MBOAT1: variants seen among roughly 807,000 people sequenced by gnomAD.
MBOAT1 encodes membrane-bound glycerophospholipid O-acyltransferase 1.
Under a neutral mutation model 64.4 loss-of-function variants are expected in MBOAT1, and 67 were observed. The ratio of observed to expected loss-of-function variants is 1.04; its 90% confidence interval spans 0.85 to 1.27. The LOEUF is 1.27. MBOAT1 is among the 50% of genes most tolerant of loss of function. MBOAT1 has a pLI of 0.00. For synonymous variants in MBOAT1, 229 were observed against 218.9 expected (o/e 1.05, Z -0.41); for missense variants, 563 against 604.6 (o/e 0.93, Z 0.72).
chr6:20,212,061 G>A (rs1333488311), intron 1 of MBOAT1, 75 bp downstream of exon 1: 7 of 1,352,080 alleles, frequency 5.2e-6, no homozygotes, highest in Non-Finnish European at 6.2e-6. Context: ...GAGGGACGGT[G>A]GCTAACACTT....
At chr6:20,191,296 C>T (rs964096077) in intron 1 of MBOAT1, among the ~76,000 whole-genome samples, 5 of 152,222 alleles carry the variant, frequency 3.3e-5, no homozygotes, top group Non-Finnish European at 7.3e-5. Flanking sequence ...TCTTGAACTT[C>T]CCAGCCTCTA....
At chr6:20,120,601 G>A (rs993311266) in intron 8 of MBOAT1, among the ~76,000 whole-genome samples, 25 of 152,114 alleles carry the variant, frequency 1.6e-4, no homozygotes, top group Middle Eastern at 3.4e-3. Context: ...CCCAGGACGC[G>A]GAGGTTACAA....
chr6:20,103,470 T>C (rs1042293778), intron 12 of MBOAT1, among the ~76,000 whole-genome samples: 3 of 152,198 alleles, frequency 2.0e-5, no homozygotes, highest in Admixed American at 2.0e-4. Context: ...TCACTCTTGT[T>C]GCCCAGGTTG....
intron 1 of MBOAT1, among the ~76,000 whole-genome samples, chr6:20,195,760 T>C (rs1561784741): frequency 1.3e-5 from 2 of 152,156 alleles, no homozygotes; most frequent in East Asian, 3.9e-4. Flanking sequence ...ACAACCAAAC[T>C]GTCAGAAAAT....
In MBOAT1 at chr6:20,124,584, T is replaced by A. The variant is rs200985522; in HGVS notation, c.731A>T (p.Lys244Met). The A allele has an allele frequency of 3.1e-6, 5 of 1,614,128 alleles. No homozygotes were observed. The highest frequency in any genetic ancestry group is 4.2e-6 in the Non-Finnish European group (5 of 1,179,994). The change falls in exon 8 of 13, where the codon AAG (lysine) becomes ATG (methionine). Residue 244 changes from lysine (K) to methionine (M), a missense_variant. Physicochemically the swap from Lys to Met is moderately conservative, Grantham distance 95. Transcript: ENST00000324607. ...EPSPTGAVIH[K>M]LGITLVSLLL... ...GAGAGACACCAAGGTGATGCCCAAC[T>A]TGTGTATCACAGCTCCCTGAAAATG...
rs1479820463 is a variant in MBOAT1, at chr6:20,115,279, T to C, written c.1076+9A>G. On this transcript the variant is annotated intron_variant, in intron 10 of 12. Transcript: ENST00000324607. ...CCCTAAGTAATGAGGTCGTTTTTGTTTTTCTTACCACTTTAGCCAAGTAGC... is the reference window on the plus strand; with the variant it reads ...CCCTAAGTAATGAGGTCGTTTTTGTCTTTCTTACCACTTTAGCCAAGTAGC... The C allele has an allele frequency of 6.2e-7, 1 of 1,612,404 alleles. No individual in the cohort carries two copies. The highest frequency in any genetic ancestry group is 1.3e-5 in the African/African-American group (1 of 75,034).
At chr6:20,158,694 T>C (rs550985008) in intron 1 of MBOAT1, among the ~76,000 whole-genome samples, 17 of 152,186 alleles carry the variant, frequency 1.1e-4, no homozygotes, top group Non-Finnish European at 2.5e-4. Flanking sequence ...ATTCAAAATA[T>C]AAAAAGAATT....
intron 1 of MBOAT1, among the ~76,000 whole-genome samples, chr6:20,204,561 G>T (rs1763207061): frequency 6.6e-6 from 1 of 152,124 alleles, no homozygotes; most frequent in Non-Finnish European, 1.5e-5. Context: ...TTTGGCCCTG[G>T]TGGGGAGGGA....
At chr6:20,102,527 G>C in intron 12 of MBOAT1, 115 bp from the exon 13 acceptor site, 6 of 810,740 alleles carry the variant, frequency 7.4e-6, no homozygotes, top group Admixed American at 5.3e-5. Flanking sequence ...GGCAGTAGGA[G>C]GCCTGTCTAC....
At chr6:20,154,414 T>G (rs1454592901) in intron 1 of MBOAT1, among the ~76,000 whole-genome samples, 12 of 152,088 alleles carry the variant, frequency 7.9e-5, no homozygotes, top group Non-Finnish European at 1.2e-4. Flanking sequence ...GTGCCTGTAA[T>G]CCCAGCTACT....
Position 20,212,220 on chromosome 6 carries a change from C to A in MBOAT1, c.15G>T (p.Pro5=). MAAE[P]QPSSLSYRTT... is the part of the protein sequence containing the mutation. Reference sequence around the variant, plus strand: ...TGCGGTAGGAAAGGCTGGACGGCTGCGGCTCTGCTGCCATCCTGCATCTTC... The same window carrying A: ...TGCGGTAGGAAAGGCTGGACGGCTGAGGCTCTGCTGCCATCCTGCATCTTC... Residue 5 remains proline (P), a synonymous_variant, in exon 1 of 13, where the codon CCG becomes CCT. Coordinates refer to ENST00000324607, the MANE Select transcript of MBOAT1 (RefSeq NM_001080480.3). The A allele has an allele frequency of 1.2e-6, 2 of 1,612,400 alleles. No individual in the cohort carries two copies. Among genetic ancestry groups the A allele is most frequent in the Non-Finnish European group, 1.7e-6 (2 of 1,179,760 alleles).
At position 20,212,229 on chromosome 6, in the gene MBOAT1, T is replaced by G. The variant is rs1228818867; in HGVS notation, c.6A>C (p.Ala2=). 6.2e-7 allele frequency: 1 copy of G among 1,611,872 alleles called. No homozygotes were observed. The highest frequency in any genetic ancestry group is 8.5e-7 in the Non-Finnish European group (1 of 1,179,600). The change falls in exon 1 of 13, where the codon GCA becomes GCC. Residue 2 remains alanine (A), a synonymous_variant. Transcript: ENST00000324607. The part of the protein sequence containing the change: M[A]AEPQPSSLSY... ...AAAGGCTGGACGGCTGCGGCTCTGC[T>G]GCCATCCTGCATCTTCGGGAGGTGG...
chr6:20,212,057 C>T (rs1324516079), intron 1 of MBOAT1, 79 bp downstream of exon 1: 4 of 1,283,270 alleles, frequency 3.1e-6, no homozygotes, highest in Non-Finnish European at 4.4e-6. Context: ...GGCGGAGGGA[C>T]GGTGGCTAAC....
chr6:20,172,624 T>C (rs1481032774), intron 1 of MBOAT1, among the ~76,000 whole-genome samples: 1 of 152,116 alleles, frequency 6.6e-6, no homozygotes, highest in African/African-American at 2.4e-5. Flanking sequence ...CCTGTTTTTG[T>C]GTGCTTAAGG....
intron 12 of MBOAT1, among the ~76,000 whole-genome samples, chr6:20,106,453 C>T (rs959940005): frequency 2.6e-5 from 4 of 151,872 alleles, no homozygotes; most frequent in Admixed American, 1.3e-4. Flanking sequence ...GATGGAGTCT[C>T]GCTCTGTCAC....
intron 11 of MBOAT1, among the ~76,000 whole-genome samples, chr6:20,110,356 G>A (rs1448669889): frequency 1.3e-5 from 2 of 151,662 alleles, no homozygotes; most frequent in African/African-American, 4.8e-5. Flanking sequence ...GAGACTAAAG[G>A]CACATGCCAC....
At chr6:20,153,879 A>T (rs1391402158) in intron 1 of MBOAT1, among the ~76,000 whole-genome samples, 1 of 152,252 alleles carries the variant, frequency 6.6e-6, no homozygotes, top group Admixed American at 6.5e-5. Context: ...TACCTTTGCA[A>T]TTTATATTTA....
rs755900956 is a variant in MBOAT1, at chr6:20,102,369, G to C, written c.1405C>G (p.Leu469Val). ...YLHIISLLII[L>V]FLPMKPQAHT... ...GCTTGTGGTTTCATTGGCAGAAATA[G>C]TATTATCAGGAGACTTATGATGTGC... Residue 469 changes from leucine (L) to valine (V), a missense_variant, in exon 13 of 13, where the codon CTA becomes GTA. By Grantham distance (32) the Leu-to-Val change is conservative. Transcript: ENST00000324607. The C allele has an allele frequency of 6.2e-7, 1 of 1,612,560 alleles. No individual in the cohort carries two copies. Among genetic ancestry groups the C allele is most frequent in the South Asian group, 1.1e-5 (1 of 91,046 alleles).
chr6:20,104,855 AAT>A (rs1198921054), intron 12 of MBOAT1, among the ~76,000 whole-genome samples: 3 of 152,234 alleles, frequency 2.0e-5, no homozygotes, highest in African/African-American at 7.2e-5. Flanking sequence ...TTATCCTTTC[AAT>A]ATGCATTTAC....
Sources: gnomAD v4.1 joint callset for allele counts (sites outside exome capture counted in the v4.1 genomes callset) on GRCh38, gnomAD v4.1.1 for gene constraint, MANE v1.5 for transcripts, NCBI Gene and HGNC (gene_info 2026-07-23, HGNC 2026-07-21) for gene names.